The following XKR4 variants were observed in gnomAD, a reference collection of about 807,000 sequenced individuals.
XKR4 encodes the protein XK related 4, also known as XK-related protein 4.
In XKR4, 12 loss-of-function variants were observed where a neutral mutation model predicts 53.9. That is an observed-to-expected ratio of 0.22 (90% CI 0.14 to 0.36). The LOEUF is 0.36. Ranked by LOEUF, XKR4 falls within the 10% of genes least tolerant of loss-of-function variation. The pLI, the probability that XKR4 is intolerant of heterozygous loss-of-function variation, is 1.00. For synonymous variants in XKR4, 354 were observed against 362.4 expected, an observed-to-expected ratio of 0.98 and a Z score of 0.26; for missense variants, 799 against 859.5, an observed-to-expected ratio of 0.93 and a Z score of 0.88.
At chr8:55,428,838 G>A (rs1805056668) in intron 2 of XKR4, among the ~76,000 whole-genome samples, 1 of 152,198 alleles carries the variant, frequency 6.6e-6, no homozygotes, top group Non-Finnish European at 1.5e-5. Flanking sequence ...ACATAGCAAA[G>A]TCGTCAATTC....
At chr8:55,127,380 G>A (rs979813703) in intron 1 of XKR4, among the ~76,000 whole-genome samples, 1 of 151,746 alleles carries the variant, frequency 6.6e-6, no homozygotes, top group Admixed American at 6.6e-5. Flanking sequence ...AGCCTCCAGA[G>A]TAGCTGAGAT....
intron 1 of XKR4, among the ~76,000 whole-genome samples, chr8:55,207,187 C>T (rs13248964): frequency 0.015 from 2,319 of 152,294 alleles, 25 homozygotes; most frequent in Non-Finnish European, 0.024. Flanking sequence ...TACTTCTTTG[C>T]AGCTTCCAAG....
At chr8:55,381,259 C>T (rs557540888) in intron 2 of XKR4, among the ~76,000 whole-genome samples, 16 of 152,234 alleles carry the variant, frequency 1.1e-4, no homozygotes, top group Non-Finnish European at 1.5e-4. Flanking sequence ...TATTTTCCTT[C>T]GCCTCTTTCT....
intron 2 of XKR4, among the ~76,000 whole-genome samples, chr8:55,443,553 A>G: frequency 7.0e-6 from 1 of 143,700 alleles, no homozygotes; most frequent in South Asian, 2.2e-4. Flanking sequence ...AAAAAAAAAA[A>G]AAACAGAAGG....
At chr8:55,318,932 T>C (rs186574913) in intron 1 of XKR4, among the ~76,000 whole-genome samples, 12 of 152,246 alleles carry the variant, frequency 7.9e-5, no homozygotes, top group Non-Finnish European at 1.5e-5. Flanking sequence ...AACAATTAAT[T>C]TCAATATTAA....
chr8:55,492,492 C>A (rs1806285489), intron 2 of XKR4, among the ~76,000 whole-genome samples: 1 of 152,160 alleles, frequency 6.6e-6, no homozygotes, highest in Admixed American at 6.5e-5. Flanking sequence ...AGTCACCATC[C>A]CCATTAACTG....
In XKR4 at chr8:55,243,481, A is replaced by G. The variant is rs117648245; in HGVS notation, c.807-114197A>G. On this transcript the variant is annotated intron_variant, in intron 1 of 2. Transcript: ENST00000327381. ...ATCTAAGTTTCCTCCCCATCTTTTC[A>G]TCGGTTGCTTCCAAGTTTTAGCAAT... Among the ~76,000 whole-genome samples the G allele has an allele frequency of 1.4e-3, 210 of 152,186 alleles. No individual in the cohort carries two copies. The East Asian group carries it at 0.034, about 24-fold the overall frequency.
intron 2 of XKR4, among the ~76,000 whole-genome samples, chr8:55,443,406 A>G (rs1043685027): frequency 1.3e-5 from 2 of 151,150 alleles, no homozygotes; most frequent in African/African-American, 4.9e-5. Context: ...TTTTTTTTTT[A>G]ATTCCACAGC....
At chr8:55,217,241 C>CAAAAAAA (rs35294638) in intron 1 of XKR4, among the ~76,000 whole-genome samples, 1 of 106,040 alleles carries the variant, frequency 9.4e-6, no homozygotes, top group East Asian at 2.7e-4. Context: ...GACTCTGTCT[C>CAAAAAAA]AAAAAAAAAA....
chr8:55,253,120 T>C (rs1000215658), intron 1 of XKR4, among the ~76,000 whole-genome samples: 1 of 152,174 alleles, frequency 6.6e-6, no homozygotes, highest in East Asian at 1.9e-4. Flanking sequence ...GAGTTTTGTA[T>C]GTAGAAACAG....
intron 2 of XKR4, among the ~76,000 whole-genome samples, chr8:55,425,035 C>A (rs1182125880): frequency 6.6e-6 from 1 of 152,174 alleles, no homozygotes; most frequent in Non-Finnish European, 1.5e-5. Flanking sequence ...GTAATGGTGA[C>A]AGCTGTGGTG....
At chr8:55,390,249 C>T (rs115854162) in intron 2 of XKR4, among the ~76,000 whole-genome samples, 1 of 152,090 alleles carries the variant, frequency 6.6e-6, no homozygotes. Context: ...TGAATCTCAT[C>T]AAAAAACTGA....
At chr8:55,394,075 T>A (rs1804483199) in intron 2 of XKR4, among the ~76,000 whole-genome samples, 1 of 152,166 alleles carries the variant, frequency 6.6e-6, no homozygotes, top group South Asian at 2.1e-4. Context: ...ACAAAAATAA[T>A]CTCTCAATTT....
At chr8:55,236,634 T>A (rs1818131124) in intron 1 of XKR4, among the ~76,000 whole-genome samples, 1 of 152,132 alleles carries the variant, frequency 6.6e-6, no homozygotes, top group Non-Finnish European at 1.5e-5. Context: ...TTGATAGACC[T>A]CTGTCATCAC....
chr8:55,294,510 G>T (rs150966966), intron 1 of XKR4, among the ~76,000 whole-genome samples: 1 of 152,082 alleles, frequency 6.6e-6, no homozygotes, highest in Non-Finnish European at 1.5e-5. Flanking sequence ...AAAAGCCTTG[G>T]TGCACAGGTT....
In XKR4 at chr8:55,188,875, AG is replaced by A. The variant is rs201747843; in HGVS notation, c.806+85582del. On this transcript the variant is annotated intron_variant, in intron 1 of 2. Transcript: ENST00000327381. ...GGATAAGCAAGATAATGCAAGTTAA[AG>A]TCCTTAATACAGAATCTATCCATAA... 6.8e-3 allele frequency among the ~76,000 whole-genome samples: 1,035 copies of A among 152,366 alleles called. 8 individuals carry two copies. Among genetic ancestry groups the A allele is most frequent in the African/African-American group, 0.023 (950 of 41,586 alleles).
chr8:55,137,963 GTA>G (rs1415751271), intron 1 of XKR4, among the ~76,000 whole-genome samples: 1 of 151,886 alleles, frequency 6.6e-6, no homozygotes, highest in Non-Finnish European at 1.5e-5. Flanking sequence ...ACACCCAACT[GTA>G]TTATTTGTAT....
chr8:55,472,976 G>A (rs1487341972), intron 2 of XKR4, among the ~76,000 whole-genome samples: 1 of 151,990 alleles, frequency 6.6e-6, no homozygotes, highest in African/African-American at 2.4e-5. Context: ...GCATAAAGGG[G>A]CTAGCATACT....
chr8:55,495,304 G>T (rs548042538), intron 2 of XKR4, among the ~76,000 whole-genome samples: 3 of 152,262 alleles, frequency 2.0e-5, no homozygotes, highest in African/African-American at 7.2e-5. Context: ...ACCCCCAAGA[G>T]CACAGAGATG....
Sources: gnomAD v4.1 joint callset for allele counts (sites outside exome capture counted in the v4.1 genomes callset) on GRCh38, gnomAD v4.1.1 for gene constraint, MANE v1.5 for transcripts, NCBI Gene and HGNC (gene_info 2026-07-23, HGNC 2026-07-21) for gene names.